Variants in NPSR1 observed in about 807,000 individuals in gnomAD.
NPSR1 encodes neuropeptide S receptor 1, also known as neuropeptide S receptor.
In NPSR1, 48 loss-of-function variants were observed where a neutral mutation model predicts 46.9. That is an observed-to-expected ratio of 1.02 (90% CI 0.81 to 1.30). The LOEUF (loss-of-function observed/expected upper bound fraction) is 1.30, where lower values mean the gene tolerates loss of function less well. Ranked by LOEUF, NPSR1 falls within the 50% of genes most tolerant of loss-of-function variation. NPSR1 has a pLI of 0.00. For synonymous variants in NPSR1, 176 were observed against 168.1 expected, an observed-to-expected ratio of 1.05 and a Z score of -0.36; for missense variants, 450 against 449.5, an observed-to-expected ratio of 1.00 and a Z score of -0.01.
intron 4 of NPSR1, among the ~76,000 whole-genome samples, chr7:34,813,068 G>A (rs1789069459): frequency 6.6e-6 from 1 of 152,060 alleles, no homozygotes; most frequent in South Asian, 2.1e-4. Context: ...CCTTTGATAT[G>A]ACTTCTTGGT....
chr7:34,711,487 T>A (rs183569062), intron 2 of NPSR1: 1 of 152,298 alleles, frequency 6.6e-6, no homozygotes, highest in African/African-American at 2.4e-5. Flanking sequence ...AAATAAGGTG[T>A]CTGCCATGAT....
chr7:34,806,174 G>T (rs768913562), intron 3 of NPSR1, among the ~76,000 whole-genome samples: 1 of 151,996 alleles, frequency 6.6e-6, no homozygotes, highest in Non-Finnish European at 1.5e-5. Context: ...CAATTGTAAG[G>T]CTATGTATTT....
rs1554333457 is a variant in NPSR1 at position 34,804,067 on chromosome 7, A to AT, written c.385-7700dup. 3.4e-4 allele frequency among the ~76,000 whole-genome samples: 51 copies of AT among 152,068 alleles called. No homozygotes were observed. In the East Asian group the frequency reaches 9.3e-3, roughly 28 times the overall value. On this transcript the variant is annotated intron_variant, in intron 3 of 8. Transcript: ENST00000360581. Reference sequence around the variant, plus strand: ...GGTTCATTAGTGAATTCTGTCAATCATTTAAAAAAAAAATGGTAACAATTA... The same window carrying AT: ...GGTTCATTAGTGAATTCTGTCAATCATTTTAAAAAAAAAATGGTAACAATTA...
intron 2 of NPSR1, among the ~76,000 whole-genome samples, chr7:34,757,182 A>G (rs549488841): frequency 6.6e-6 from 1 of 152,262 alleles, no homozygotes; most frequent in East Asian, 1.9e-4. Context: ...ATTCTATTTA[A>G]TTACAATTGC....
At chr7:34,730,477 A>T (rs541124672) in intron 2 of NPSR1, among the ~76,000 whole-genome samples, 1 of 152,304 alleles carries the variant, frequency 6.6e-6, no homozygotes, top group East Asian at 1.9e-4. Context: ...ATGGCTAGCA[A>T]ATGTAGGACA....
At chr7:34,674,676 C>G (rs771192073) in intron 1 of NPSR1, among the ~76,000 whole-genome samples, 3 of 152,204 alleles carry the variant, frequency 2.0e-5, no homozygotes, top group Non-Finnish European at 2.9e-5. Flanking sequence ...TACATAACAA[C>G]CTTCCTAAAA....
At chr7:34,810,583 A>G (rs1285745679) in intron 3 of NPSR1, among the ~76,000 whole-genome samples, 1 of 152,224 alleles carries the variant, frequency 6.6e-6, no homozygotes, top group Non-Finnish European at 1.5e-5. Context: ...CACCGCACAT[A>G]GGCTCCCTAA....
chr7:34,676,255 C>G (rs1324307001), intron 1 of NPSR1, among the ~76,000 whole-genome samples: 1 of 152,194 alleles, frequency 6.6e-6, no homozygotes, highest in Admixed American at 6.5e-5. Context: ...TCTTCATCAT[C>G]TTATCTACCC....
At chr7:34,823,417 C>CAAAAAAAAAAAAAAAAAAA (rs79081202) in intron 4 of NPSR1, among the ~76,000 whole-genome samples, 2 of 103,958 alleles carry the variant, frequency 1.9e-5, no homozygotes, top group East Asian at 2.7e-4. Flanking sequence ...AAAAAAAAAA[C>CAAAAAAAAAAAAAAAAAAA]AACACCATAA....
At chr7:34,721,976 T>C in intron 2 of NPSR1, among the ~76,000 whole-genome samples, 1 of 152,042 alleles carries the variant, frequency 6.6e-6, no homozygotes, top group Middle Eastern at 3.2e-3. Flanking sequence ...AGGAAAAGAA[T>C]ATATATAAAT....
intron 2 of NPSR1, among the ~76,000 whole-genome samples, chr7:34,767,973 CAAT>C (rs1786509764): frequency 6.6e-6 from 1 of 151,886 alleles, no homozygotes; most frequent in African/African-American, 2.4e-5. Flanking sequence ...CTATAGTTAA[CAAT>C]AATATATGGT....
At chr7:34,731,727 G>C (rs921802720) in intron 2 of NPSR1, among the ~76,000 whole-genome samples, 1 of 152,096 alleles carries the variant, frequency 6.6e-6, no homozygotes, top group Non-Finnish European at 1.5e-5. Flanking sequence ...TTTAGATGAG[G>C]GCCAGGAGCT....
intron 4 of NPSR1, among the ~76,000 whole-genome samples, chr7:34,824,924 G>A (rs1290950716): frequency 6.6e-6 from 1 of 151,676 alleles, no homozygotes; most frequent in African/African-American, 2.4e-5. Flanking sequence ...ATCCCACCCT[G>A]CTTCTTTCTT....
At chr7:34,771,966 G>A (rs575666256) in intron 2 of NPSR1, among the ~76,000 whole-genome samples, 24 of 152,298 alleles carry the variant, frequency 1.6e-4, no homozygotes, top group African/African-American at 5.3e-4. Context: ...AAACCATGAA[G>A]TCTACCTAGA....
intron 4 of NPSR1, among the ~76,000 whole-genome samples, chr7:34,824,764 TAGA>T (rs1789742191): frequency 6.6e-6 from 1 of 152,096 alleles, no homozygotes; most frequent in Non-Finnish European, 1.5e-5. Flanking sequence ...CTGGAACCTA[TAGA>T]AGAAGATGAC....
chr7:34,818,755 C>A (rs181625250), intron 4 of NPSR1, among the ~76,000 whole-genome samples: 326 of 152,158 alleles, frequency 2.1e-3, no homozygotes, highest in African/African-American at 7.7e-3. Context: ...AGCCCTCAGA[C>A]ATAACACCAC....
chr7:34,664,935 A>AT (rs1378012813), intron 1 of NPSR1, among the ~76,000 whole-genome samples: 1 of 152,174 alleles, frequency 6.6e-6, no homozygotes, highest in Non-Finnish European at 1.5e-5. Flanking sequence ...TAAAAATGAT[A>AT]GATCTATTAC....
chr7:34,792,500 A>AACAC (rs373159147), intron 3 of NPSR1, among the ~76,000 whole-genome samples: 11 of 143,246 alleles, frequency 7.7e-5, no homozygotes, highest in African/African-American at 2.3e-4. Context: ...TCTCTACAAA[A>AACAC]ACACACACAC....
Position 34,860,110 on chromosome 7 carries a change from T to C in NPSR1, c.1025+11447T>C, listed in dbSNP as rs142474830. 1.7e-3 allele frequency among the ~76,000 whole-genome samples: 261 copies of C among 151,904 alleles called. 1 individual carries two copies. The highest frequency in any genetic ancestry group is 3.1e-3 in the Non-Finnish European group (209 of 68,030). On this transcript the variant is annotated intron_variant, in intron 8 of 8. Coordinates refer to the NPSR1 transcript ENST00000359791. ...TTTCACATAAAGATGGACTTTAATC[T>C]AATGTAGTTATGCATGCATATAAAT...
Sources: gnomAD v4.1 joint callset for allele counts (sites outside exome capture counted in the v4.1 genomes callset) on GRCh38, gnomAD v4.1.1 for gene constraint, MANE v1.5 for transcripts, NCBI Gene and HGNC (gene_info 2026-07-23, HGNC 2026-07-21) for gene names.